The following SNTG2 variants were observed in gnomAD, a reference collection of about 807,000 sequenced individuals.
The protein encoded by SNTG2 is syntrophin gamma 2.
In SNTG2, 74 loss-of-function variants were observed where a neutral mutation model predicts 70.9. That is an observed-to-expected ratio of 1.04 (90% CI 0.86 to 1.27). The LOEUF (loss-of-function observed/expected upper bound fraction) is 1.27, where lower values mean the gene tolerates loss of function less well. Ranked by LOEUF, SNTG2 falls within the 50% of genes most tolerant of loss-of-function variation. The pLI is 0.00. For synonymous variants in SNTG2, 278 were observed against 273.8 expected, an observed-to-expected ratio of 1.02 and a Z score of -0.15; for missense variants, 717 against 690.7, an observed-to-expected ratio of 1.04 and a Z score of -0.43.
rs192538180 is a variant in SNTG2, at chr2:1,270,290, T to C, written c.1284+2719T>C. 1.4e-3 allele frequency among the ~76,000 whole-genome samples: 213 copies of C among 152,262 alleles called. 1 individual carries two copies. Among genetic ancestry groups the C allele is most frequent in the African/African-American group, 4.8e-3 (199 of 41,544 alleles). On this transcript the variant is annotated intron_variant, in intron 14 of 16. Transcript: ENST00000308624. ...ATTAGAGAAAATACTTCTCCAAAAC[T>C]CCATTACATAAACTGTAAATTATTA...
intron 9 of SNTG2, among the ~76,000 whole-genome samples, chr2:1,221,454 T>TGC (rs1674823691): frequency 9.9e-5 from 13 of 131,880 alleles, no homozygotes; most frequent in Non-Finnish European, 1.6e-4. Context: ...TCTCTGTCTC[T>TGC]CTCTGTCTCT....
At chr2:1,320,049 G>T (rs1442649830) in intron 16 of SNTG2, among the ~76,000 whole-genome samples, 1 of 152,168 alleles carries the variant, frequency 6.6e-6, no homozygotes, top group Non-Finnish European at 1.5e-5. Flanking sequence ...ATTTTCTAGT[G>T]AAATGAGTGG....
At chr2:1,285,128 A>G (rs1679715796) in intron 14 of SNTG2, among the ~76,000 whole-genome samples, 1 of 152,138 alleles carries the variant, frequency 6.6e-6, no homozygotes, top group Non-Finnish European at 1.5e-5. Context: ...CCAGCACAGG[A>G]GAAAGATGTA....
At chr2:1,327,056 C>G (rs1244058865) in intron 16 of SNTG2, among the ~76,000 whole-genome samples, 1 of 151,944 alleles carries the variant, frequency 6.6e-6, no homozygotes, top group Non-Finnish European at 1.5e-5. Context: ...TTCTTATACT[C>G]TCTGTATATA....
intron 1 of SNTG2, among the ~76,000 whole-genome samples, chr2:963,364 CTT>C (rs1660417980): frequency 6.6e-6 from 1 of 151,958 alleles, no homozygotes; most frequent in African/African-American, 2.4e-5. Flanking sequence ...AAAGTTAACT[CTT>C]TATTTAACTT....
intron 1 of SNTG2, among the ~76,000 whole-genome samples, chr2:1,031,455 C>G (rs1216841643): frequency 2.7e-5 from 4 of 145,482 alleles, no homozygotes; most frequent in African/African-American, 1.0e-4. Context: ...ATGGTTTTCA[C>G]TCAGCAGTTT....
chr2:1,042,336 A>T (rs1481005163), intron 1 of SNTG2, among the ~76,000 whole-genome samples: 1 of 152,128 alleles, frequency 6.6e-6, no homozygotes, highest in Non-Finnish European at 1.5e-5. Context: ...ATATTTCTCA[A>T]TTTAACTAGT....
intron 9 of SNTG2, among the ~76,000 whole-genome samples, chr2:1,214,976 A>G (rs1572745748): frequency 2.0e-5 from 3 of 152,304 alleles, no homozygotes; most frequent in Admixed American, 2.0e-4. Flanking sequence ...GTTTTTCTGC[A>G]TCTATTGCTA....
intron 6 of SNTG2, among the ~76,000 whole-genome samples, chr2:1,157,502 G>C (rs1669981295): frequency 6.6e-6 from 1 of 152,202 alleles, no homozygotes. Context: ...CTTAGAAAAA[G>C]TCCAGGGCTG....
intron 14 of SNTG2, among the ~76,000 whole-genome samples, chr2:1,271,006 G>T (rs143482604): frequency 2.0e-5 from 3 of 152,088 alleles, no homozygotes; most frequent in African/African-American, 7.2e-5. Context: ...CTTCACAGTC[G>T]TTTCTGAATG....
chr2:1,355,632 G>A (rs1660809395), intron 16 of SNTG2, among the ~76,000 whole-genome samples: 1 of 152,160 alleles, frequency 6.6e-6, no homozygotes, highest in South Asian at 2.1e-4. Flanking sequence ...ATTGTGAGTA[G>A]TGCTGTAATG....
chr2:1,320,952 G>T (rs1485458897), intron 16 of SNTG2, among the ~76,000 whole-genome samples: 1 of 152,132 alleles, frequency 6.6e-6, no homozygotes, highest in Non-Finnish European at 1.5e-5. Context: ...GCCTCCAAAG[G>T]GAAACTTTAG....
chr2:1,152,917 A>T (rs957080573), intron 6 of SNTG2, among the ~76,000 whole-genome samples: 1 of 152,284 alleles, frequency 6.6e-6, no homozygotes. Context: ...TGAGGTCAGG[A>T]GTTCGAGACC....
chr2:1,088,730 C>T (rs1398585374), intron 2 of SNTG2, among the ~76,000 whole-genome samples: 1 of 152,174 alleles, frequency 6.6e-6, no homozygotes, highest in African/African-American at 2.4e-5. Context: ...TATCCCAGGG[C>T]CTACCAGATG....
At chr2:1,058,814 C>A (rs1414997091) in intron 1 of SNTG2, among the ~76,000 whole-genome samples, 1 of 152,222 alleles carries the variant, frequency 6.6e-6, no homozygotes, top group African/African-American at 2.4e-5. Context: ...GCCACACAAG[C>A]CTGTGGCCCC....
chr2:1,117,565 TG>T (rs1303682846), intron 4 of SNTG2, among the ~76,000 whole-genome samples: 3 of 152,176 alleles, frequency 2.0e-5, no homozygotes, highest in African/African-American at 7.2e-5. Flanking sequence ...CTGTGCTTTC[TG>T]GGGCTGAGCA....
intron 16 of SNTG2, among the ~76,000 whole-genome samples, chr2:1,359,969 C>T (rs1422067270): frequency 1.3e-5 from 2 of 152,094 alleles, no homozygotes; most frequent in East Asian, 3.9e-4. Context: ...GAAACTAAAG[C>T]TCAATTTATT....
intron 16 of SNTG2, among the ~76,000 whole-genome samples, chr2:1,354,817 C>T (rs1339998722): frequency 6.6e-6 from 1 of 152,170 alleles, no homozygotes; most frequent in Admixed American, 6.5e-5. Context: ...GCTGGAGTGA[C>T]GTGTGAGAAG....
At chr2:1,142,816 G>A (rs917417212) in intron 6 of SNTG2, among the ~76,000 whole-genome samples, 3 of 152,172 alleles carry the variant, frequency 2.0e-5, no homozygotes, top group African/African-American at 7.2e-5. Flanking sequence ...ATCCAACAGA[G>A]GATTCTACAA....
Sources: gnomAD v4.1 joint callset for allele counts (sites outside exome capture counted in the v4.1 genomes callset) on GRCh38, gnomAD v4.1.1 for gene constraint, MANE v1.5 for transcripts, NCBI Gene and HGNC (gene_info 2026-07-23, HGNC 2026-07-21) for gene names.